Variants in CC2D2A observed in about 807,000 individuals in gnomAD.
CC2D2A encodes the protein coiled-coil and C2 domain-containing protein 2A.
A neutral mutation model predicts 212.9 loss-of-function variants in CC2D2A; 155 were observed. That is an observed-to-expected ratio of 0.73 (90% CI 0.64 to 0.83). The LOEUF (loss-of-function observed/expected upper bound fraction) is 0.83. CC2D2A is among the 40% of genes least tolerant of loss of function. The pLI is 0.00. For synonymous variants in CC2D2A, 667 were observed against 686.5 expected, an observed-to-expected ratio of 0.97 and a Z score of 0.44; for missense variants, 1,856 against 1,956.2, an observed-to-expected ratio of 0.95 and a Z score of 0.97.
chr4:15,472,164 G>C (rs1013810801), intron 1 of CC2D2A, among the ~76,000 whole-genome samples: 2 of 152,158 alleles, frequency 1.3e-5, no homozygotes, highest in Non-Finnish European at 2.9e-5. Context: ...ACAGAGTCTT[G>C]GGATCAAGTT....
At position 15,506,812 on chromosome 4, in the gene CC2D2A, G is replaced by A. The variant is rs185494459; in HGVS notation, c.439-3327G>A. ...TCCTAGGCCGGGTGCGGTGGCTCTC[G>A]TCTGTAATCCCAGCACTTTGGGAGG... On this transcript the variant is annotated intron_variant, in intron 6 of 36. Transcript: ENST00000424120. 4.9e-4 allele frequency among the ~76,000 whole-genome samples: 74 copies of A among 152,110 alleles called. 1 individual carries two copies. The highest frequency in any genetic ancestry group is 4.6e-3 in the Admixed American group (70 of 15,274).
At chr4:15,517,034 G>A (rs905373439) in intron 11 of CC2D2A, among the ~76,000 whole-genome samples, 16 of 137,296 alleles carry the variant, frequency 1.2e-4, no homozygotes, top group Admixed American at 8.4e-4. Context: ...TGCAGGCTCC[G>A]CCTCCCGGGT....
At chr4:15,596,754 C>A (rs1721338604) in intron 34 of CC2D2A, among the ~76,000 whole-genome samples, 1 of 152,144 alleles carries the variant, frequency 6.6e-6, no homozygotes, top group Non-Finnish European at 1.5e-5. Context: ...TAGAGAAATT[C>A]TCCCATATGT....
chr4:15,515,260 C>T (rs914557813), intron 9 of CC2D2A, among the ~76,000 whole-genome samples: 1 of 152,216 alleles, frequency 6.6e-6, no homozygotes, highest in Non-Finnish European at 1.5e-5. Context: ...CCTGTTGCTG[C>T]CTATCACTCC....
chr4:15,549,937 T>TCAGTGG (rs1430302520), intron 17 of CC2D2A, among the ~76,000 whole-genome samples: 2 of 152,084 alleles, frequency 1.3e-5, no homozygotes, highest in Non-Finnish European at 2.9e-5. Flanking sequence ...AAGAAAAATA[T>TCAGTGG]AAAGATTAAT....
intron 14 of CC2D2A, 22 bp from the exon 15 acceptor site, chr4:15,536,897 AG>A (rs1402153772): frequency 1.2e-6 from 2 of 1,607,422 alleles, no homozygotes; most frequent in Non-Finnish European, 1.7e-6. Context: ...GAAATAACCA[AG>A]GGACTACAAA....
At chr4:15,594,731 A>C (rs550999100) in intron 33 of CC2D2A, among the ~76,000 whole-genome samples, 1 of 152,318 alleles carries the variant, frequency 6.6e-6, no homozygotes, top group Admixed American at 6.5e-5. Context: ...AAAGGAGTGC[A>C]GAATTGGGGC....
intron 30 of CC2D2A, among the ~76,000 whole-genome samples, chr4:15,585,637 G>A (rs1483684762): frequency 1.3e-5 from 2 of 152,146 alleles, no homozygotes; most frequent in Admixed American, 1.3e-4. Flanking sequence ...AGAGGATTTT[G>A]AATATTATCA....
intron 17 of CC2D2A, among the ~76,000 whole-genome samples, chr4:15,545,234 C>G (rs1718650124): frequency 6.6e-6 from 1 of 152,216 alleles, no homozygotes; most frequent in African/African-American, 2.4e-5. Context: ...TAAAATACAT[C>G]TGTTAATGCC....
chr4:15,491,725 TATTA>T (rs1283030490), intron 4 of CC2D2A, among the ~76,000 whole-genome samples: 4 of 152,224 alleles, frequency 2.6e-5, no homozygotes, highest in Admixed American at 6.5e-5. Context: ...TCTACTCATT[TATTA>T]ATTGAGTTGT....
rs752814776 is a variant in CC2D2A at position 15,550,824 on chromosome 4, G to T, written c.2182G>T (p.Val728Phe). The change falls in exon 18 of 37, where the codon GTC becomes TTC. Residue 728 changes from valine to phenylalanine, a missense_variant and splice_region_variant. Coordinates refer to ENST00000424120, the MANE Select transcript of CC2D2A (RefSeq NM_001378615.1). ...VNWPESLTLQ[V>F]YETVGHSSPT... ...GCTATTTCTCTTCTCTGGTTTTCAGGTCTATGAAACTGTCGGACACAGTAG... is the reference window on the plus strand; with the variant it reads ...GCTATTTCTCTTCTCTGGTTTTCAGTTCTATGAAACTGTCGGACACAGTAG... 4 of 1,556,246 alleles carry T rather than the reference G, an allele frequency of 2.6e-6. No homozygotes were observed. Among genetic ancestry groups the T allele is most frequent in the Non-Finnish European group, 3.5e-6 (4 of 1,138,686 alleles).
At chr4:15,530,084 G>A (rs889581448) in intron 13 of CC2D2A, among the ~76,000 whole-genome samples, 2 of 151,302 alleles carry the variant, frequency 1.3e-5, no homozygotes, top group African/African-American at 2.4e-5. Context: ...CCATTCTCCC[G>A]CCTCAGCCTC....
intron 30 of CC2D2A, among the ~76,000 whole-genome samples, chr4:15,581,076 A>G (rs1180493984): frequency 6.6e-6 from 1 of 152,176 alleles, no homozygotes; most frequent in Admixed American, 6.5e-5. Flanking sequence ...ACCATAACCC[A>G]TAACTGCCTT....
chr4:15,597,342 T>C lies in CC2D2A; in HGVS notation c.4438-65T>C. 7 of 1,161,012 alleles carry C rather than the reference T, an allele frequency of 6.0e-6. No homozygotes were observed. The South Asian group carries it at 9.6e-5, about 16-fold the overall frequency. The allele number at this position is 1,161,012 out of a possible 1,614,324, so 71.9% of individuals were successfully genotyped here. ...AGATTTCATTGATTTTTAAGATTTT[T>C]AAAAGGATGTTCAAATTAACTGTAG... is the stretch of plus-strand genomic sequence containing the variant. On this transcript the variant is annotated intron_variant, in intron 34 of 36. Transcript: ENST00000424120.
At chr4:15,600,677 G>A (rs913272162) in intron 36 of CC2D2A, among the ~76,000 whole-genome samples, 2 of 151,978 alleles carry the variant, frequency 1.3e-5, no homozygotes, top group African/African-American at 2.4e-5. Flanking sequence ...CTGAGGCAGC[G>A]GATCGCTTGA....
chr4:15,482,183 A>G, intron 4 of CC2D2A: 2 of 985,476 alleles, frequency 2.0e-6, no homozygotes, highest in Non-Finnish European at 2.4e-6. Flanking sequence ...AGACTCTTAG[A>G]TTGGAAAAAT....
rs1410013441 is a variant in CC2D2A, at chr4:15,560,630, T to C, written c.3014+8T>C. 1 of 1,152,258 alleles carries C rather than the reference T, an allele frequency of 8.7e-7. No individual in the cohort carries two copies. The highest frequency in any genetic ancestry group is 2.1e-5 in the Admixed American group (1 of 47,234). 71.4% of individuals were successfully genotyped at this position (1,152,258 alleles called of 1,614,324 possible). A position where few individuals can be genotyped will look rare whatever the true frequency, so the allele number is the denominator to read the frequency against. ...AGAAGTTCCCAATATCAGGTAAAAA[T>C]AATCAAAGCCATTATTATCAATTCT... On this transcript the variant is annotated splice_region_variant and intron_variant, in intron 23 of 36. Transcript: ENST00000424120.
chr4:15,561,570 T>G (rs1439431557), intron 23 of CC2D2A: 1 of 152,200 alleles, frequency 6.6e-6, no homozygotes, highest in Non-Finnish European at 1.5e-5. Flanking sequence ...TTTTTTCTGC[T>G]TTACTTTCTG....
At chr4:15,599,127 A>G (rs900997696) in intron 35 of CC2D2A, among the ~76,000 whole-genome samples, 1 of 151,950 alleles carries the variant, frequency 6.6e-6, no homozygotes, top group Non-Finnish European at 1.5e-5. Context: ...TACCACTTCA[A>G]TCCAGCCTGG....
Sources: allele counts gnomAD v4.1 joint callset (sites outside exome capture counted in the v4.1 genomes callset), GRCh38; gene constraint gnomAD v4.1.1; transcripts MANE v1.5; gene names NCBI Gene and HGNC (gene_info 2026-07-23, HGNC 2026-07-21).